The following RAB11FIP1 variants were observed in gnomAD, a reference collection of about 807,000 sequenced individuals.
RAB11FIP1 encodes RAB11 family interacting protein 1, also known as rab11 family-interacting protein 1.
In RAB11FIP1, 49 loss-of-function variants were observed where a neutral mutation model predicts 83.1. That is an observed-to-expected ratio of 0.59 (90% CI 0.47 to 0.75). The LOEUF is 0.75. Ranked by LOEUF, RAB11FIP1 falls within the 30% of genes least tolerant of loss-of-function variation. The pLI is 0.00. For missense variants in RAB11FIP1, 1,536 were observed against 1,598.7 expected (o/e 0.96, Z 0.67); for synonymous variants, 670 against 656.0 (o/e 1.02, Z -0.33).
At chr8:37,887,864 C>T (rs1410649494) in intron 1 of RAB11FIP1, among the ~76,000 whole-genome samples, 1 of 152,172 alleles carries the variant, frequency 6.6e-6, no homozygotes, top group Non-Finnish European at 1.5e-5. Flanking sequence ...GGCTTATAAT[C>T]GTCAAACTTA....
At chr8:37,890,905 T>C (rs1452230986) in intron 1 of RAB11FIP1, among the ~76,000 whole-genome samples, 1 of 151,958 alleles carries the variant, frequency 6.6e-6, no homozygotes, top group Non-Finnish European at 1.5e-5. Flanking sequence ...AGGCTAAACA[T>C]AAGATTAAAT....
At chr8:37,869,314 G>A (rs955247627) in intron 5 of RAB11FIP1, among the ~76,000 whole-genome samples, 9 of 151,766 alleles carry the variant, frequency 5.9e-5, no homozygotes, top group African/African-American at 1.7e-4. Flanking sequence ...GAGGTAGGCC[G>A]GGCGCAGGGG....
chr8:37,871,893 T>C lies in RAB11FIP1; in HGVS notation c.2909A>G (p.Glu970Gly). 6.2e-7 allele frequency: 1 copy of C among 1,614,216 alleles called. No individual in the cohort carries two copies. The highest frequency in any genetic ancestry group is 2.2e-5 in the East Asian group (1 of 44,888). The change falls in exon 4 of 6, where the codon GAA becomes GGA. Residue 970 changes from glutamate (E) to glycine (G), a missense_variant. Glu to Gly is a moderately conservative substitution (Grantham distance 98). Coordinates refer to ENST00000330843, the MANE Select transcript of RAB11FIP1 (RefSeq NM_001002814.3). ...PSIPEVASDD[E>G]RIDQVEDDGD... ...GTCATCTTCAACCTGATCTATTCTT[T>C]CATCATCCGATGCGACTTCAGGAAT...
intron 1 of RAB11FIP1, among the ~76,000 whole-genome samples, chr8:37,883,157 CG>C (rs760470961): frequency 6.0e-5 from 9 of 149,156 alleles, no homozygotes; most frequent in African/African-American, 5.0e-5. Context: ...AGAATTGTTT[CG>C]TTTTTTTTTT....
At chr8:37,895,420 G>A (rs1023959564) in intron 1 of RAB11FIP1, among the ~76,000 whole-genome samples, 13 of 148,438 alleles carry the variant, frequency 8.8e-5, no homozygotes, top group African/African-American at 3.0e-4. Flanking sequence ...CTCCTAAAAA[G>A]GTTTCTATCA....
intron 1 of RAB11FIP1, among the ~76,000 whole-genome samples, chr8:37,897,273 C>G (rs1050656284): frequency 1.3e-5 from 2 of 151,372 alleles, no homozygotes; most frequent in Non-Finnish European, 2.9e-5. Context: ...AAATGGAACC[C>G]ACCCCACAGT....
chr8:37,873,490 C>T, intron 3 of RAB11FIP1, among the ~76,000 whole-genome samples: 1 of 151,980 alleles, frequency 6.6e-6, no homozygotes, highest in Non-Finnish European at 1.5e-5. Context: ...CCTGTAGTCC[C>T]AGCTACTCGG....
rs1171699595 is a variant in RAB11FIP1, at chr8:37,863,099, C to T, written c.3648G>A (p.Ser1216=). The stretch of plus-strand genomic sequence containing the variant: ...GCTGCGCATATGCAAATGCAGGGTC[C>T]GAGGGGCTGTATTTCTTTGGAGGGG... ...NEVMMKKYSP[S]DPAFAYAQLT... The change falls in exon 6 of 6, where the codon TCG becomes TCA. Residue 1216 remains serine, a synonymous_variant. Coordinates refer to ENST00000330843, the MANE Select transcript of RAB11FIP1 (RefSeq NM_001002814.3). 2.0e-5 allele frequency: 33 copies of T among 1,610,676 alleles called. No homozygotes were observed. Among genetic ancestry groups the T allele is most frequent in the Non-Finnish European group, 2.5e-5 (29 of 1,179,450 alleles).
chr8:37,874,401 TG>T, intron 3 of RAB11FIP1, 113 bp downstream of exon 3: 1 of 812,070 alleles, frequency 1.2e-6, no homozygotes, highest in Non-Finnish European at 2.0e-6. Flanking sequence ...AGCAAACCTT[TG>T]GCATATATGG....
intron 1 of RAB11FIP1, among the ~76,000 whole-genome samples, chr8:37,894,709 T>G (rs1807024033): frequency 6.8e-6 from 1 of 147,152 alleles, no homozygotes; most frequent in African/African-American, 2.5e-5. Flanking sequence ...TACATATATA[T>G]ACATATATAT....
At position 37,896,324 on chromosome 8, in the gene RAB11FIP1, T is replaced by A. The variant is rs979152996; in HGVS notation, c.371+2747A>T. Among the ~76,000 whole-genome samples the A allele has an allele frequency of 4.0e-5, 6 of 150,894 alleles. No homozygotes were observed. The East Asian group carries it at 5.8e-4, about 15-fold the overall frequency. On this transcript the variant is annotated intron_variant, in intron 1 of 5. Transcript: ENST00000330843. ...GACGCCATCTCAAAAAAAAAAAAAA[T>A]TCCACCTTTCAATGCATATCTTATT...
rs143648251 is a variant in RAB11FIP1 at position 37,876,539 on chromosome 8, C to T, written c.814+570G>A. ...CTTGAGCCCAGGAGTTGGAGGCTGC[C>T]GTAAGCTATGATCGCGCCACTGCAC... is the stretch of plus-strand genomic sequence containing the variant. On this transcript the variant is annotated intron_variant, in intron 2 of 5. Transcript: ENST00000330843. 1.3e-3 allele frequency among the ~76,000 whole-genome samples: 201 copies of T among 150,382 alleles called. 1 individual carries two copies. The highest frequency in any genetic ancestry group is 4.7e-3 in the African/African-American group (192 of 41,020).
intron 1 of RAB11FIP1, among the ~76,000 whole-genome samples, chr8:37,879,343 A>G (rs1806689185): frequency 6.6e-6 from 1 of 152,170 alleles, no homozygotes; most frequent in African/African-American, 2.4e-5. Flanking sequence ...AAGTGAAATC[A>G]GTCAGTTAGA....
At chr8:37,880,588 G>A (rs912889197) in intron 1 of RAB11FIP1, among the ~76,000 whole-genome samples, 4 of 152,010 alleles carry the variant, frequency 2.6e-5, no homozygotes, top group East Asian at 3.9e-4. Context: ...GCCACCAAGC[G>A]TGGCTAAAAA....
rs1422321240 is a variant in RAB11FIP1 at position 37,872,591 on chromosome 8, A to G, written c.2211T>C (p.Ala737=). 2.5e-6 allele frequency: 4 copies of G among 1,614,092 alleles called. No homozygotes were observed. The highest frequency in any genetic ancestry group is 3.4e-6 in the Non-Finnish European group (4 of 1,180,048). Residue 737 remains alanine, a synonymous_variant, in exon 4 of 6, where the codon GCT becomes GCC. Transcript: ENST00000330843. ...PFALSLSSDG[A]VSPVGELAAG... The stretch of plus-strand genomic sequence containing the variant: ...CTGCAAGCTCCCCAACAGGGCTCAC[A>G]GCTCCATCACTGCTGAGTGAAAGGG...
chr8:37,890,100 G>GTTA (rs1806916073), intron 1 of RAB11FIP1, among the ~76,000 whole-genome samples: 1 of 152,162 alleles, frequency 6.6e-6, no homozygotes, highest in Non-Finnish European at 1.5e-5. Flanking sequence ...TCTAAATCCT[G>GTTA]TTTTAATAAC....
At chr8:37,889,106 G>A (rs186899065) in intron 1 of RAB11FIP1, among the ~76,000 whole-genome samples, 123 of 152,122 alleles carry the variant, frequency 8.1e-4, no homozygotes, top group African/African-American at 2.6e-3. Flanking sequence ...TTTACTTTCC[G>A]CAACTTATTG....
chr8:37,875,817 G>GA (rs369776858), intron 2 of RAB11FIP1, among the ~76,000 whole-genome samples: 20 of 147,642 alleles, frequency 1.4e-4, no homozygotes, highest in South Asian at 4.3e-4. Flanking sequence ...TTAAAAAAAA[G>GA]AAAAAAAAAA....
In RAB11FIP1 at chr8:37,861,649, C is replaced by G. The variant is rs947843176; in HGVS notation, c.*1246G>C. ...TCTTGCCCAGGCTGGAGTGCAGTGGCACGATCTTGGCTCGCTGCAGCCTCC... is the reference window on the plus strand; with the variant it reads ...TCTTGCCCAGGCTGGAGTGCAGTGGGACGATCTTGGCTCGCTGCAGCCTCC... On this transcript the variant is annotated 3_prime_UTR_variant, in exon 6 of 6. Coordinates refer to ENST00000330843, the MANE Select transcript of RAB11FIP1 (RefSeq NM_001002814.3). The G allele has an allele frequency of 3.0e-5, 13 of 426,638 alleles. No homozygotes were observed. The highest frequency in any genetic ancestry group is 2.5e-4 in the African/African-American group (12 of 47,630). The allele number at this position is 426,638 out of a possible 1,614,324, so 26.4% of individuals were successfully genotyped here.
Sources: allele counts gnomAD v4.1 joint callset (sites outside exome capture counted in the v4.1 genomes callset), GRCh38; gene constraint gnomAD v4.1.1; transcripts MANE v1.5; gene names NCBI Gene and HGNC (gene_info 2026-07-23, HGNC 2026-07-21).